The following UNC5C variants were observed in gnomAD, a reference collection of about 807,000 sequenced individuals.
UNC5C encodes the protein netrin receptor UNC5C.
A neutral mutation model predicts 99.8 loss-of-function variants in UNC5C; 47 were observed. The observed-to-expected ratio is 0.47, with a 90% CI of 0.37 to 0.60. UNC5C has a LOEUF of 0.60. Ranked by LOEUF, UNC5C falls within the 20% of genes least tolerant of loss-of-function variation. The pLI, the probability that UNC5C is intolerant of heterozygous loss-of-function variation, is 0.00. For synonymous variants in UNC5C, 487 were observed against 452.2 expected, an observed-to-expected ratio of 1.08 and a Z score of -0.98; for missense variants, 1,062 against 1,165.9, an observed-to-expected ratio of 0.91 and a Z score of 1.30.
At chr4:95,222,302 C>G (rs919118319) in intron 7 of UNC5C, 79 of 1,293,780 alleles carry the variant, frequency 6.1e-5, no homozygotes, top group Non-Finnish European at 7.7e-5. Flanking sequence ...AAAATGGGAA[C>G]AAAATCAAAT....
At chr4:95,257,314 G>A (rs1170964632) in intron 4 of UNC5C, among the ~76,000 whole-genome samples, 1 of 152,120 alleles carries the variant, frequency 6.6e-6, no homozygotes, top group Non-Finnish European at 1.5e-5. Flanking sequence ...TAAGGCAGGA[G>A]GATGGCTTTA....
intron 1 of UNC5C, among the ~76,000 whole-genome samples, chr4:95,371,105 G>T (rs1409233568): frequency 6.6e-6 from 1 of 152,092 alleles, no homozygotes; most frequent in Admixed American, 6.6e-5. Context: ...TATTGATAAA[G>T]TTACTTTAAA....
In UNC5C at chr4:95,250,644, G is replaced by A. The variant is rs756369536; in HGVS notation, c.618C>T (p.Asp206=). The change falls in exon 5 of 16, where the codon GAC becomes GAT. Residue 206 remains aspartate, a synonymous_variant. Coordinates refer to ENST00000453304, the MANE Select transcript of UNC5C (RefSeq NM_003728.4). ...VAEVEWLKNE[D]IIDPVEDRNF... is the part of the protein sequence containing the mutation. ...TCCGATCTTCAACGGGATCAATTATGTCTTCATTTTTCAACCATTCCACCT... is the reference window on the plus strand; with the variant it reads ...TCCGATCTTCAACGGGATCAATTATATCTTCATTTTTCAACCATTCCACCT... The A allele has an allele frequency of 6.2e-7, 1 of 1,613,748 alleles. No individual in the cohort carries two copies. Among genetic ancestry groups the A allele is most frequent in the Non-Finnish European group, 8.5e-7 (1 of 1,179,878 alleles).
At chr4:95,450,869 T>A (rs1747261456) in intron 1 of UNC5C, among the ~76,000 whole-genome samples, 1 of 152,154 alleles carries the variant, frequency 6.6e-6, no homozygotes, top group South Asian at 2.1e-4. Flanking sequence ...TTAAACTAGG[T>A]CTGGGGCGAA....
rs142616337 is a variant in UNC5C at position 95,282,078 on chromosome 4, A to T, written c.491-3716T>A. Among the ~76,000 whole-genome samples, 435 of 152,312 alleles carry T rather than the reference A, an allele frequency of 2.9e-3. 3 individuals carry two copies. Among genetic ancestry groups the T allele is most frequent in the African/African-American group, 1.0e-2 (414 of 41,562 alleles). Reference sequence around the variant, plus strand: ...TAGGATTTCTTGTGCTTCACCAACTAGGCAATCGCTGAAGCACTGGAAACA... The same window carrying T: ...TAGGATTTCTTGTGCTTCACCAACTTGGCAATCGCTGAAGCACTGGAAACA... On this transcript the variant is annotated intron_variant, in intron 3 of 15. Coordinates refer to ENST00000453304, the MANE Select transcript of UNC5C (RefSeq NM_003728.4).
intron 1 of UNC5C, among the ~76,000 whole-genome samples, chr4:95,433,038 A>G (rs965209424): frequency 6.6e-6 from 1 of 152,098 alleles, no homozygotes; most frequent in Non-Finnish European, 1.5e-5. Flanking sequence ...AAAAACTTTA[A>G]AAGTAGAATC....
At chr4:95,345,870 T>G (rs962165726) in intron 1 of UNC5C, among the ~76,000 whole-genome samples, 9 of 151,770 alleles carry the variant, frequency 5.9e-5, no homozygotes, top group African/African-American at 2.2e-4. Context: ...TAAGAGGAAA[T>G]TATAGCTTTA....
At chr4:95,337,620 GA>G (rs1743399739) in intron 1 of UNC5C, among the ~76,000 whole-genome samples, 1 of 151,886 alleles carries the variant, frequency 6.6e-6, no homozygotes, top group African/African-American at 2.4e-5. Flanking sequence ...AATATATTTA[GA>G]AAATGTATGG....
intron 3 of UNC5C, among the ~76,000 whole-genome samples, chr4:95,299,137 G>A (rs1367973364): frequency 2.6e-5 from 4 of 152,244 alleles, no homozygotes; most frequent in South Asian, 2.1e-4. Context: ...TTTTAAAGAG[G>A]TGATCAAGTT....
At chr4:95,254,140 G>A (rs1739861074) in intron 4 of UNC5C, among the ~76,000 whole-genome samples, 1 of 152,092 alleles carries the variant, frequency 6.6e-6, no homozygotes, top group African/African-American at 2.4e-5. Context: ...TGAATCTCAT[G>A]TCACCAGATT....
chr4:95,264,965 C>T (rs1173624145), intron 4 of UNC5C, among the ~76,000 whole-genome samples: 4 of 152,158 alleles, frequency 2.6e-5, no homozygotes, highest in Non-Finnish European at 4.4e-5. Flanking sequence ...CTCATTTTCT[C>T]CTCCTTCTAC....
chr4:95,259,532 G>A (rs1248261827), intron 4 of UNC5C, among the ~76,000 whole-genome samples: 1 of 152,144 alleles, frequency 6.6e-6, no homozygotes, highest in African/African-American at 2.4e-5. Context: ...AAATATGTAA[G>A]TAATTGAGTA....
rs570703068 is a variant in UNC5C, at chr4:95,458,480, CTCT to C, written c.124+90251_124+90253del. Among the ~76,000 whole-genome samples the C allele has an allele frequency of 6.8e-3, 1,027 of 152,056 alleles. 8 individuals carry two copies. The highest frequency in any genetic ancestry group is 8.9e-3 in the Non-Finnish European group (608 of 67,936). On this transcript the variant is annotated intron_variant, in intron 1 of 15. Coordinates refer to ENST00000453304, the MANE Select transcript of UNC5C (RefSeq NM_003728.4). ...TATAGTTTCAGTTTGTCTTTTCCAT[CTCT>C]TTTTTCTTTCAAAAATTTTAAAATT...
intron 1 of UNC5C, among the ~76,000 whole-genome samples, chr4:95,392,820 TAA>T (rs989549470): frequency 2.0e-5 from 3 of 147,622 alleles, no homozygotes; most frequent in African/African-American, 7.3e-5. Context: ...AGAAAGAAAA[TAA>T]GATAATTTTA....
At chr4:95,408,965 A>G (rs548072274) in intron 1 of UNC5C, among the ~76,000 whole-genome samples, 2 of 152,204 alleles carry the variant, frequency 1.3e-5, no homozygotes, top group Admixed American at 6.5e-5. Flanking sequence ...GAGATAGCCA[A>G]TGCTAGCAGA....
Position 95,464,611 on chromosome 4 carries a change from C to T in UNC5C, c.124+84123G>A, listed in dbSNP as rs11938818. ...AATTAAATAGAGGATAACATTTTAC[C>T]GATGATAATTTCCGAACATCATAGA... On this transcript the variant is annotated intron_variant, in intron 1 of 15. Transcript: ENST00000453304. 9.1e-3 allele frequency among the ~76,000 whole-genome samples: 1,391 copies of T among 152,058 alleles called. 26 individuals carry two copies. The highest frequency in any genetic ancestry group is 0.031 in the African/African-American group (1,303 of 41,478).
chr4:95,285,601 T>C (rs886404285), intron 3 of UNC5C, among the ~76,000 whole-genome samples: 2 of 152,230 alleles, frequency 1.3e-5, no homozygotes, highest in Non-Finnish European at 2.9e-5. Context: ...AACTATAGTA[T>C]CTAATATTCC....
intron 1 of UNC5C, among the ~76,000 whole-genome samples, chr4:95,356,265 T>C (rs1744200268): frequency 1.3e-5 from 2 of 150,160 alleles, no homozygotes; most frequent in African/African-American, 4.9e-5. Flanking sequence ...TCCTATGGTA[T>C]ACAAAATTGT....
chr4:95,188,007 T>G (rs1736903793), intron 12 of UNC5C, among the ~76,000 whole-genome samples: 1 of 152,166 alleles, frequency 6.6e-6, no homozygotes, highest in Admixed American at 6.5e-5. Flanking sequence ...AAATTACATA[T>G]CTCTATTATC....
Sources: gnomAD v4.1 joint callset for allele counts (sites outside exome capture counted in the v4.1 genomes callset) on GRCh38, gnomAD v4.1.1 for gene constraint, MANE v1.5 for transcripts, NCBI Gene and HGNC (gene_info 2026-07-23, HGNC 2026-07-21) for gene names.